Variants in CACNA1A observed in about 807,000 individuals in gnomAD.
The protein encoded by CACNA1A is voltage-dependent P/Q-type calcium channel subunit alpha-1A.
CACNA1A carries 57 observed loss-of-function variants against 262.4 expected under a neutral mutation model. The ratio of observed to expected loss-of-function variants is 0.22; its 90% CI spans 0.18 to 0.27. The LOEUF (loss-of-function observed/expected upper bound fraction) is 0.27, where lower values mean the gene tolerates loss of function less well. CACNA1A is among the 10% of genes least tolerant of loss of function. The probability of loss-of-function intolerance (pLI) is 1.00; values close to 1 mark genes in which losing one functional copy is unlikely to be tolerated. For missense variants in CACNA1A, 2,526 were observed against 3,562.8 expected, an observed-to-expected ratio of 0.71 and a Z score of 7.41; for synonymous variants, 1,431 against 1,419.3, an observed-to-expected ratio of 1.01 and a Z score of -0.18.
intron 6 of CACNA1A, among the ~76,000 whole-genome samples, chr19:13,357,971 C>T (rs1294019009): frequency 3.9e-5 from 6 of 152,122 alleles, no homozygotes; most frequent in Non-Finnish European, 5.9e-5. Context: ...TACACCACTG[C>T]GCTCCAGCCT....
chr19:13,494,060 T>G (rs965239034), intron 1 of CACNA1A, among the ~76,000 whole-genome samples: 1 of 152,252 alleles, frequency 6.6e-6, no homozygotes, highest in African/African-American at 2.4e-5. Flanking sequence ...GGTACTGAAA[T>G]AGTAGACATA....
At chr19:13,433,482 A>AAAAAAAAAAAAAAAAAC (rs1599444829) in intron 3 of CACNA1A, among the ~76,000 whole-genome samples, 1 of 137,056 alleles carries the variant, frequency 7.3e-6, no homozygotes, top group Non-Finnish European at 1.6e-5. Context: ...AAAAAAAAAA[A>AAAAAAAAAAAAAAAAAC]AGTCAGCTGA....
intron 1 of CACNA1A, among the ~76,000 whole-genome samples, chr19:13,472,731 T>C (rs1293649530): frequency 6.6e-6 from 1 of 152,216 alleles, no homozygotes; most frequent in Non-Finnish European, 1.5e-5. Context: ...GCAAAGGGCC[T>C]GTAGTAGGTT....
At chr19:13,453,296 ATACGACAGTCACAGGCCACAT>A (rs1268275003) in intron 2 of CACNA1A, among the ~76,000 whole-genome samples, 3 of 152,234 alleles carry the variant, frequency 2.0e-5, no homozygotes, top group Non-Finnish European at 4.4e-5. Flanking sequence ...GTCTTATTCA[ATACGACAGTCACAGGCCACAT>A]GTGGCTATTT....
Position 13,255,082 on chromosome 19 carries a change from G to GT in CACNA1A, c.4755+12dup, listed in dbSNP as rs757807663. 3.7e-6 allele frequency: 6 copies of GT among 1,613,614 alleles called. No individual in the cohort carries two copies. In the South Asian group the frequency reaches 6.6e-5, roughly 18 times the overall value. On this transcript the variant is annotated intron_variant, in intron 29 of 46. Coordinates refer to ENST00000360228, the MANE Select transcript of CACNA1A (RefSeq NM_001127222.2). ...GGGTTAAGTAGTGCTGGGGGCTGGTGTGGGGCACTTACCTTCATCATAAGC... is the reference window on the plus strand; with the variant it reads ...GGGTTAAGTAGTGCTGGGGGCTGGTGTTGGGGCACTTACCTTCATCATAAGC...
chr19:13,489,559 A>G (rs769475299), intron 1 of CACNA1A, among the ~76,000 whole-genome samples: 1 of 152,200 alleles, frequency 6.6e-6, no homozygotes, highest in Non-Finnish European at 1.5e-5. Flanking sequence ...GGCACAAGCC[A>G]TTGAGCCCAG....
At chr19:13,249,723 AT>A (rs1398756300) in intron 30 of CACNA1A, among the ~76,000 whole-genome samples, 6 of 152,044 alleles carry the variant, frequency 3.9e-5, no homozygotes, top group African/African-American at 1.4e-4. Flanking sequence ...ACGTTAGTCC[AT>A]TTGCTGTTTA....
rs572489350 is a variant in CACNA1A at position 13,268,702 on chromosome 19, A to G, written c.3990-5869T>C. On this transcript the variant is annotated intron_variant, in intron 24 of 46. Transcript: ENST00000360228. ...GCCCACCTTGGCCTCCCAAAGTGCT[A>G]GGATTACAGGTGTGAGCCACCGCGC... Among the ~76,000 whole-genome samples the G allele has an allele frequency of 5.5e-4, 84 of 151,982 alleles. No individual in the cohort carries two copies. The East Asian group carries it at 8.4e-3, about 15-fold the overall frequency.
chr19:13,326,825 T>C (rs2058371972), intron 10 of CACNA1A, among the ~76,000 whole-genome samples: 1 of 150,106 alleles, frequency 6.7e-6, no homozygotes, highest in Non-Finnish European at 1.5e-5. Context: ...TACTGTGGTA[T>C]AATGTGAACG....
At chr19:13,305,290 T>C (rs2057877159) in intron 15 of CACNA1A, among the ~76,000 whole-genome samples, 1 of 152,134 alleles carries the variant, frequency 6.6e-6, no homozygotes, top group African/African-American at 2.4e-5. Context: ...TTCACAGTAC[T>C]GCTGGACTGC....
At chr19:13,358,763 T>C (rs1203366118) in intron 6 of CACNA1A, among the ~76,000 whole-genome samples, 1 of 152,146 alleles carries the variant, frequency 6.6e-6, no homozygotes, top group Non-Finnish European at 1.5e-5. Flanking sequence ...CGGGGAAATA[T>C]TGAAAAGGTA....
chr19:13,263,773 G>A (rs2056797067), intron 24 of CACNA1A, among the ~76,000 whole-genome samples: 4 of 151,528 alleles, frequency 2.6e-5, no homozygotes, highest in Non-Finnish European at 5.9e-5. Context: ...CACCCACCTT[G>A]GCCTCCCAAA....
At chr19:13,337,836 C>T (rs2058602195) in intron 6 of CACNA1A, among the ~76,000 whole-genome samples, 3 of 152,222 alleles carry the variant, frequency 2.0e-5, no homozygotes, top group Admixed American at 2.0e-4. Context: ...GCTGCATGGT[C>T]TCGCCTATTG....
intron 6 of CACNA1A, among the ~76,000 whole-genome samples, chr19:13,358,963 G>A (rs937302257): frequency 3.3e-5 from 5 of 152,160 alleles, no homozygotes; most frequent in African/African-American, 1.2e-4. Flanking sequence ...ACATATGTGT[G>A]GGCATTCCAG....
chr19:13,419,149 C>T (rs143225239), intron 3 of CACNA1A, among the ~76,000 whole-genome samples: 109 of 152,272 alleles, frequency 7.2e-4, no homozygotes, highest in Middle Eastern at 3.4e-3. Flanking sequence ...GAATTACAGG[C>T]GTGAGCCACC....
At chr19:13,243,661 A>G (rs1433273709) in intron 31 of CACNA1A, 2 of 151,894 alleles carry the variant, frequency 1.3e-5, no homozygotes, top group Admixed American at 1.3e-4. Context: ...GGTTCAAGCA[A>G]TTTTCCTGCC....
chr19:13,456,939 T>G (rs556953293), intron 1 of CACNA1A, among the ~76,000 whole-genome samples: 1 of 152,128 alleles, frequency 6.6e-6, no homozygotes, highest in South Asian at 2.1e-4. Flanking sequence ...GAAACCCTCA[T>G]GCTGGTGGGA....
At chr19:13,483,597 A>C (rs1046653798) in intron 1 of CACNA1A, among the ~76,000 whole-genome samples, 1 of 152,170 alleles carries the variant, frequency 6.6e-6, no homozygotes, top group African/African-American at 2.4e-5. Flanking sequence ...AAAAAGAGAG[A>C]AGAATCTCTC....
rs121908243 is a variant in CACNA1A at position 13,235,649 on chromosome 19, G to A, written c.5032C>T (p.Arg1678Cys). 1.9e-6 allele frequency: 3 copies of A among 1,613,742 alleles called. No homozygotes were observed. The highest frequency in any genetic ancestry group is 2.5e-6 in the Non-Finnish European group (3 of 1,179,752). The change falls in exon 32 of 47, where the codon CGC becomes TGC. Residue 1678 changes from arginine (R) to cysteine (C), a missense_variant. Transcript: ENST00000360228. ...TGCACAAAGGTCCAGAGAAGAATGC[G>A]GATGGTGTAACCCTGACGGAGAAGT... ...IKLLRQGYTI[R>C]ILLWTFVQSF...
Sources: gnomAD v4.1 joint callset for allele counts (sites outside exome capture counted in the v4.1 genomes callset) on GRCh38, gnomAD v4.1.1 for gene constraint, MANE v1.5 for transcripts, NCBI Gene and HGNC (gene_info 2026-07-23, HGNC 2026-07-21) for gene names.